OCA2: variants seen among roughly 807,000 people sequenced by gnomAD.
OCA2 encodes the protein P protein.
In OCA2, 77 loss-of-function variants were observed where a neutral mutation model predicts 100.2. The observed-to-expected ratio is 0.77, with a 90% confidence interval of 0.64 to 0.93. The LOEUF (loss-of-function observed/expected upper bound fraction) is 0.93. OCA2 is among the 40% of genes least tolerant of loss of function. The pLI is 0.00. For synonymous variants in OCA2, 432 were observed against 439.2 expected, an observed-to-expected ratio of 0.98 and a Z score of 0.21; for missense variants, 1,062 against 1,089.1, an observed-to-expected ratio of 0.98 and a Z score of 0.35.
chr15:27,733,988 C>G, the OCA2 span, among the ~76,000 whole-genome samples: 2 of 151,410 alleles, frequency 1.3e-5, no homozygotes, highest in African/African-American at 4.9e-5. Context: ...GGTGAAACCC[C>G]GTCTCTACTA....
chr15:27,796,490 T>C (rs544003575), intron 23 of OCA2, among the ~76,000 whole-genome samples: 5 of 152,368 alleles, frequency 3.3e-5, no homozygotes, highest in Admixed American at 2.0e-4. Flanking sequence ...CGAGTGCTGG[T>C]GTCCGCCAGA....
intron 14 of OCA2, among the ~76,000 whole-genome samples, chr15:27,969,593 T>C (rs568866451): frequency 1.5e-4 from 23 of 152,254 alleles, no homozygotes; most frequent in Non-Finnish European, 2.6e-4. Flanking sequence ...CTGCTTTGTA[T>C]TGTTTTATTA....
chr15:28,082,005 AG>A, intron 1 of OCA2, 110 bp from the exon 2 acceptor site: 1 of 885,368 alleles, frequency 1.1e-6, no homozygotes, highest in African/African-American at 1.6e-5. Context: ...GCGGTCCCAG[AG>A]TTCCAGCATC....
At chr15:27,835,034 C>G (rs532630921) in intron 23 of OCA2, among the ~76,000 whole-genome samples, 25 of 152,294 alleles carry the variant, frequency 1.6e-4, no homozygotes, top group African/African-American at 5.8e-4. Flanking sequence ...ATGCAGAAAG[C>G]AAAGATCAGT....
rs543742303 is a variant in OCA2 at position 28,057,909 on chromosome 15, C to T, written c.227+23739G>A. Among the ~76,000 whole-genome samples, 9 of 152,256 alleles carry T rather than the reference C, an allele frequency of 5.9e-5. No individual in the cohort carries two copies. In the South Asian group the frequency reaches 1.9e-3, roughly 32 times the overall value. On this transcript the variant is annotated intron_variant, in intron 2 of 23. Coordinates refer to ENST00000354638, the MANE Select transcript of OCA2 (RefSeq NM_000275.3). ...CCTTCCCAGATCAACCAAACTAAGC[C>T]ACCAGGCTGGACCCTGTGACTACTG...
chr15:27,798,387 G>A (rs2033439963), intron 23 of OCA2, among the ~76,000 whole-genome samples: 1 of 151,868 alleles, frequency 6.6e-6, no homozygotes, highest in African/African-American at 2.4e-5. Context: ...TTTTGAAAAA[G>A]GTAATATAAT....
At chr15:27,952,628 C>G (rs181572349) in intron 17 of OCA2, among the ~76,000 whole-genome samples, 1 of 152,074 alleles carries the variant, frequency 6.6e-6, no homozygotes. Flanking sequence ...TGCACCAGGT[C>G]CTTTCTCTTT....
intron 5 of OCA2, among the ~76,000 whole-genome samples, chr15:28,024,607 C>T (rs1190838753): frequency 6.6e-6 from 1 of 152,240 alleles, no homozygotes; most frequent in African/African-American, 2.4e-5. Context: ...ATGGCAACAA[C>T]ATGCTGCCCG....
intron 23 of OCA2, among the ~76,000 whole-genome samples, chr15:27,815,182 G>A (rs1189368977): frequency 6.6e-6 from 1 of 152,148 alleles, no homozygotes; most frequent in Non-Finnish European, 1.5e-5. Context: ...ACGGGGAGAA[G>A]CTTCCCATTC....
At chr15:28,049,209 A>G (rs146635499) in intron 2 of OCA2, among the ~76,000 whole-genome samples, 103 of 152,352 alleles carry the variant, frequency 6.8e-4, no homozygotes, top group African/African-American at 2.4e-3. Flanking sequence ...CAGAAGGCCA[A>G]TAAGCACATA....
chr15:28,095,782 A>ACGAG (rs2044965894), intron 1 of OCA2, among the ~76,000 whole-genome samples: 1 of 152,164 alleles, frequency 6.6e-6, no homozygotes. Flanking sequence ...CCGGCAAGGA[A>ACGAG]CGAGAAGCAC....
intron 21 of OCA2, among the ~76,000 whole-genome samples, chr15:27,861,186 G>T (rs1050324185): frequency 6.6e-6 from 1 of 152,188 alleles, no homozygotes; most frequent in African/African-American, 2.4e-5. Context: ...GCTGGCCATG[G>T]GGTGTTAGAG....
intron 19 of OCA2, among the ~76,000 whole-genome samples, chr15:27,884,681 G>GA (rs1412475204): frequency 1.3e-5 from 2 of 152,136 alleles, no homozygotes; most frequent in Admixed American, 6.5e-5. Flanking sequence ...TGTATTCCAT[G>GA]AAAAAGAGAT....
intron 14 of OCA2, among the ~76,000 whole-genome samples, chr15:27,968,868 G>A (rs374851811): frequency 1.3e-5 from 2 of 152,044 alleles, no homozygotes; most frequent in African/African-American, 4.8e-5. Context: ...TTCTTCAATG[G>A]GGGTATTACA....
intron 23 of OCA2, among the ~76,000 whole-genome samples, chr15:27,782,287 A>G (rs913123505): frequency 2.6e-5 from 4 of 152,246 alleles, no homozygotes; most frequent in African/African-American, 9.6e-5. Flanking sequence ...ATCCAAGAAA[A>G]AAAGATGTTT....
intron 19 of OCA2, chr15:27,896,175 G>A: frequency 1.1e-6 from 1 of 916,446 alleles, no homozygotes; most frequent in Non-Finnish European, 1.8e-6. Context: ...AGTTTTTGGT[G>A]CCCTGAAGAG....
At chr15:27,774,629 T>C in intron 23 of OCA2, among the ~76,000 whole-genome samples, 1 of 152,212 alleles carries the variant, frequency 6.6e-6, no homozygotes, top group East Asian at 1.9e-4. Context: ...GGAATCCATA[T>C]GTTGAAGCCC....
chr15:28,026,390 T>C (rs775075634), intron 4 of OCA2, among the ~76,000 whole-genome samples: 1 of 152,210 alleles, frequency 6.6e-6, no homozygotes, highest in Non-Finnish European at 1.5e-5. Context: ...TGCCATCTTG[T>C]TGACCCATGG....
intron 3 of OCA2, among the ~76,000 whole-genome samples, chr15:28,029,011 G>A (rs192180262): frequency 5.1e-4 from 78 of 152,258 alleles, no homozygotes; most frequent in African/African-American, 1.9e-3. Flanking sequence ...TTGAATCCCT[G>A]ACCTGATCAG....
Sources: gnomAD v4.1 joint callset for allele counts (sites outside exome capture counted in the v4.1 genomes callset) on GRCh38, gnomAD v4.1.1 for gene constraint, MANE v1.5 for transcripts, NCBI Gene and HGNC (gene_info 2026-07-23, HGNC 2026-07-21) for gene names.